The following PRNP variants were observed in gnomAD, a reference collection of about 807,000 sequenced individuals.
PRNP encodes the protein prion protein (Kanno blood group).
In PRNP, 15 loss-of-function variants were observed where a neutral mutation model predicts 21.3. The ratio of observed to expected loss-of-function variants is 0.71; its 90% confidence interval spans 0.47 to 1.09. The LOEUF (loss-of-function observed/expected upper bound fraction) is 1.09, where lower values mean the gene tolerates loss of function less well. PRNP is among the 50% of genes least tolerant of loss of function. The pLI, the probability that PRNP is intolerant of heterozygous loss-of-function variation, is 0.00. For missense variants in PRNP, 285 were observed against 340.9 expected (o/e 0.84, Z 1.29); for synonymous variants, 121 against 123.1 (o/e 0.98, Z 0.11).
intron 1 of PRNP, among the ~76,000 whole-genome samples, chr20:4,694,487 A>T (rs1201946661): frequency 1.3e-5 from 2 of 152,248 alleles, no homozygotes; most frequent in Non-Finnish European, 2.9e-5. Context: ...CATTAAGGAA[A>T]GTTGCATAAA....
chr20:4,696,722 C>T (rs1922193793), intron 1 of PRNP, among the ~76,000 whole-genome samples: 1 of 152,114 alleles, frequency 6.6e-6, no homozygotes, highest in African/African-American at 2.4e-5. Flanking sequence ...TGACCATTAC[C>T]ATATACTTAA....
At chr20:4,694,892 G>T (rs1341751184) in intron 1 of PRNP, among the ~76,000 whole-genome samples, 1 of 151,560 alleles carries the variant, frequency 6.6e-6, no homozygotes, top group Non-Finnish European at 1.5e-5. Flanking sequence ...TATTCTTAAT[G>T]ATTTTGATTC....
Position 4,700,067 on chromosome 20 carries a change from G to T in PRNP, c.*85G>T. On this transcript the variant is annotated 3_prime_UTR_variant, in exon 2 of 2. Transcript: ENST00000379440. This position sits in a 1 kb window ranked among gnomAD's most constrained non-coding sequence, Gnocchi z 4.1. Reference sequence around the variant, plus strand: ...TCCACCTGCAGCCCTTTTAGTGGTGGTGTCTCACTCTTTCTTCTCTCTTTG... The same window carrying T: ...TCCACCTGCAGCCCTTTTAGTGGTGTTGTCTCACTCTTTCTTCTCTCTTTG... The T allele has an allele frequency of 1.9e-6, 3 of 1,551,474 alleles. No individual in the cohort carries two copies. Among genetic ancestry groups the T allele is most frequent in the South Asian group, 1.2e-5 (1 of 83,584 alleles).
At chr20:4,698,170 A>G (rs1922290930) in intron 1 of PRNP, among the ~76,000 whole-genome samples, 1 of 152,142 alleles carries the variant, frequency 6.6e-6, no homozygotes. Context: ...CCCACCTAAA[A>G]GAGCCTCCAA....
Position 4,688,824 on chromosome 20 carries a change from C to A in PRNP, c.-11+2312C>A, listed in dbSNP as rs61511120. ...TGAAAGGAAAAGCACAGAAAATGGA[C>A]GTTTTCATTGAAATTGTCGGTGATC... On this transcript the variant is annotated intron_variant, in intron 1 of 1. Transcript: ENST00000379440. Among the ~76,000 whole-genome samples, 815 of 152,222 alleles carry A rather than the reference C, an allele frequency of 5.4e-3. 2 individuals are homozygous for A. Among genetic ancestry groups the A allele is most frequent in the African/African-American group, 0.018 (755 of 41,530 alleles).
At position 4,699,728 on chromosome 20, in the gene PRNP, A is replaced by G. The variant is rs1282047177; in HGVS notation, c.508A>G (p.Ser170Gly). 3.7e-6 allele frequency: 6 copies of G among 1,613,970 alleles called. No homozygotes were observed. The African/African-American group carries it at 6.7e-5, about 18-fold the overall frequency. The stretch of plus-strand genomic sequence containing the variant: ...GTACTACAGGCCCATGGATGAGTAC[A>G]GCAACCAGAACAACTTTGTGCACGA... ...QVYYRPMDEYSNQNNFVHDCV... is the reference protein window; with the variant it reads ...QVYYRPMDEYGNQNNFVHDCV... The change falls in exon 2 of 2, where the codon AGC becomes GGC. Residue 170 changes from serine to glycine, a missense_variant. By Grantham distance (56) the Ser-to-Gly change is moderately conservative. Coordinates refer to ENST00000379440, the MANE Select transcript of PRNP (RefSeq NM_000311.5). The surrounding 1 kb of genome is among the most constrained non-coding windows in gnomAD (Gnocchi z 5.8).
rs1008478906 is a variant in PRNP at position 4,699,123 on chromosome 20, A to G, written c.-10-88A>G. On this transcript the variant is annotated intron_variant, in intron 1 of 1. Transcript: ENST00000379440. This position sits in a 1 kb window ranked among gnomAD's most constrained non-coding sequence, Gnocchi z 5.8. ...GTGTTTCTACTGAGCAGCTGATACC[A>G]TTGCTATGCACTCATTCATTATGCA... is the stretch of plus-strand genomic sequence containing the variant. 11 of 1,489,286 alleles carry G rather than the reference A, an allele frequency of 7.4e-6. No individual in the cohort carries two copies. The highest frequency in any genetic ancestry group is 9.3e-6 in the Non-Finnish European group (10 of 1,069,768). 92.3% of individuals were successfully genotyped at this position (1,489,286 alleles called of 1,614,324 possible).
Position 4,700,166 on chromosome 20 carries a change from C to T in PRNP, c.*184C>T, listed in dbSNP as rs1473242694. The stretch of plus-strand genomic sequence containing the variant: ...CATAGAGTAGACCTGAGATGCTGGT[C>T]AAGCCCCCTTTGATTGAGTTCATCA... On this transcript the variant is annotated 3_prime_UTR_variant, in exon 2 of 2. Transcript: ENST00000379440. The surrounding 1 kb of genome is among the most constrained non-coding windows in gnomAD (Gnocchi z 4.1). 6.5e-7 allele frequency: 1 copy of T among 1,530,172 alleles called. No homozygotes were observed. The highest frequency in any genetic ancestry group is 2.0e-5 in the Admixed American group (1 of 50,874). The allele number at this position is 1,530,172 out of a possible 1,614,324, so 94.8% of individuals were successfully genotyped here.
rs928342539 is a variant in PRNP, at chr20:4,687,063, A to T, written c.-11+551A>T. Among the ~76,000 whole-genome samples the T allele has an allele frequency of 1.6e-3, 239 of 151,632 alleles. 1 individual carries two copies. Among genetic ancestry groups the T allele is most frequent in the African/African-American group, 5.1e-3 (209 of 41,326 alleles). ...CCAGAGGGTGCTTGGGGGGATGGAG[A>T]GAGGGGCGCCCGCCGGGGGAGTTCC... is the stretch of plus-strand genomic sequence containing the variant. On this transcript the variant is annotated intron_variant, in intron 1 of 1. Coordinates refer to ENST00000379440, the MANE Select transcript of PRNP (RefSeq NM_000311.5).
intron 1 of PRNP, among the ~76,000 whole-genome samples, chr20:4,694,981 ACTGTCTCTTACTGCT>A (rs1370254216): frequency 1.3e-5 from 2 of 151,750 alleles, no homozygotes; most frequent in African/African-American, 4.8e-5. Flanking sequence ...TGTTGGAATT[ACTGTCTCTTACTGCT>A]CTGTAAGAAT....
chr20:4,689,740 A>G (rs1921701932), intron 1 of PRNP, among the ~76,000 whole-genome samples: 1 of 152,206 alleles, frequency 6.6e-6, no homozygotes, highest in Admixed American at 6.5e-5. Context: ...AATAACTCCT[A>G]AGTGAATAGT....
At chr20:4,693,177 C>T (rs1921942388) in intron 1 of PRNP, among the ~76,000 whole-genome samples, 1 of 152,152 alleles carries the variant, frequency 6.6e-6, no homozygotes, top group South Asian at 2.1e-4. Flanking sequence ...ATCCACTCAA[C>T]CAGCAGGTCT....
At position 4,699,912 on chromosome 20, in the gene PRNP, G is replaced by A; in HGVS notation, c.692G>A (p.Ser231Asn). 1 of 1,613,908 alleles carries A rather than the reference G, an allele frequency of 6.2e-7. No homozygotes were observed. Among genetic ancestry groups the A allele is most frequent in the South Asian group, 1.1e-5 (1 of 91,052 alleles). ...CAGGCCTATTACCAGAGAGGATCGAGCATGGTCCTCTTCTCCTCTCCACCT... is the reference window on the plus strand; with the variant it reads ...CAGGCCTATTACCAGAGAGGATCGAACATGGTCCTCTTCTCCTCTCCACCT... ...ESQAYYQRGSSMVLFSSPPVI... is the reference protein window; with the variant it reads ...ESQAYYQRGSNMVLFSSPPVI... Residue 231 changes from serine (S) to asparagine (N), a missense_variant, in exon 2 of 2, where the codon AGC becomes AAC. By Grantham distance (46) the Ser-to-Asn change is conservative (BLOSUM62 1). Transcript: ENST00000379440. The surrounding 1 kb of genome is among the most constrained non-coding windows in gnomAD (Gnocchi z 5.8).
intron 1 of PRNP, among the ~76,000 whole-genome samples, chr20:4,688,210 A>T (rs1215906476): frequency 6.6e-6 from 1 of 152,238 alleles, no homozygotes; most frequent in East Asian, 1.9e-4. Context: ...CTATTAAAAT[A>T]ACCAAAATAA....
chr20:4,692,877 A>C (rs1043313245), intron 1 of PRNP, among the ~76,000 whole-genome samples: 5 of 152,160 alleles, frequency 3.3e-5, no homozygotes, highest in Non-Finnish European at 7.3e-5. Flanking sequence ...CCACCTGTGT[A>C]CTAGCATTGA....
At chr20:4,693,323 A>AT (rs1921951624) in intron 1 of PRNP, among the ~76,000 whole-genome samples, 1 of 152,056 alleles carries the variant, frequency 6.6e-6, no homozygotes, top group African/African-American at 2.4e-5. Context: ...GTCCCACTAA[A>AT]TTTTCTTCTA....
intron 1 of PRNP, among the ~76,000 whole-genome samples, chr20:4,691,277 A>G (rs1921811852): frequency 2.0e-5 from 3 of 152,208 alleles, no homozygotes; most frequent in African/African-American, 7.2e-5. Flanking sequence ...TACCAATGAC[A>G]TTCTTCACAG....
At chr20:4,691,172 A>G (rs550513131) in intron 1 of PRNP, among the ~76,000 whole-genome samples, 1 of 152,330 alleles carries the variant, frequency 6.6e-6, no homozygotes, top group East Asian at 1.9e-4. Context: ...ACACAAATAG[A>G]AAGATAGCCT....
chr20:4,687,701 A>G (rs935614790), intron 1 of PRNP, among the ~76,000 whole-genome samples: 1 of 152,136 alleles, frequency 6.6e-6, no homozygotes, highest in Non-Finnish European at 1.5e-5. Context: ...AACACAGTGC[A>G]GTTTCACTGC....
Sources: allele counts gnomAD v4.1 joint callset (sites outside exome capture counted in the v4.1 genomes callset), GRCh38; gene constraint gnomAD v4.1.1; non-coding constraint Gnocchi (gnomAD v3.1); transcripts MANE v1.5; gene names NCBI Gene and HGNC (gene_info 2026-07-23, HGNC 2026-07-21).